The following LXN variants were observed in gnomAD, a reference collection of about 807,000 sequenced individuals.
LXN encodes the protein latexin, also known as MUM.
LXN carries 28 observed loss-of-function variants against 29.8 expected under a neutral mutation model. That is an observed-to-expected ratio of 0.94 (90% CI 0.70 to 1.29). LXN has a LOEUF of 1.29. Ranked by LOEUF, LXN falls within the 50% of genes most tolerant of loss-of-function variation. LXN has a pLI of 0.00. For missense variants in LXN, 227 were observed against 261.7 expected (o/e 0.87, Z 0.92); for synonymous variants, 77 against 89.6 (o/e 0.86, Z 0.80).
rs199588226 is a variant in LXN at position 158,672,607 on chromosome 3, GTCT to G, written c.-132_-130del. 28,946 of 1,084,274 alleles carry G rather than the reference GTCT, an allele frequency of 0.027. 510 individuals are homozygous for G. The highest frequency in any genetic ancestry group is 0.03 in the Non-Finnish European group (22,838 of 754,026). The allele number at this position is 1,084,274 out of a possible 1,614,324, so 67.2% of individuals were successfully genotyped here. ...GAAAAGTCGCAAGCTCCTTCAGTCA[GTCT>G]TCTTCCTCAGCTCCTTCCGACTCCG... is the stretch of plus-strand genomic sequence containing the variant. On this transcript the variant is annotated 5_prime_UTR_variant, in exon 1 of 6. Transcript: ENST00000264265.
In LXN at chr3:158,669,420, C is replaced by T; in HGVS notation, c.370+13G>A. ...TGAATCAAACAAATGGTTTTCATGC[C>T]ATATTTATATACCTGGAATATTTTG... On this transcript the variant is annotated intron_variant, in intron 3 of 5. Transcript: ENST00000264265. 1 of 1,594,350 alleles carries T rather than the reference C, an allele frequency of 6.3e-7. No individual in the cohort carries two copies. The highest frequency in any genetic ancestry group is 8.5e-7 in the Non-Finnish European group (1 of 1,171,032).
intron 2 of LXN, 39 bp downstream of exon 2, chr3:158,670,918 G>A (rs781218249): frequency 1.5e-5 from 22 of 1,467,486 alleles, no homozygotes; most frequent in Non-Finnish European, 1.6e-5. Flanking sequence ...GGGTGATAGA[G>A]TGAGACCCTG....
intron 5 of LXN, 117 bp from the exon 6 acceptor site, chr3:158,666,861 A>T: frequency 7.0e-7 from 1 of 1,422,742 alleles, no homozygotes; most frequent in Non-Finnish European, 9.6e-7. Flanking sequence ...TACTTTTGTT[A>T]AATTGCTGCA....
At chr3:158,670,647 C>T (rs1724196772) in intron 2 of LXN, among the ~76,000 whole-genome samples, 1 of 152,160 alleles carries the variant, frequency 6.6e-6, no homozygotes, top group Non-Finnish European at 1.5e-5. Context: ...ACTAATCAAT[C>T]TTACAGATTT....
At chr3:158,670,890 G>T in intron 2 of LXN, 67 bp downstream of exon 2, 2 of 1,389,004 alleles carry the variant, frequency 1.4e-6, no homozygotes, top group Non-Finnish European at 1.9e-6. Flanking sequence ...GCCATGTTCT[G>T]CCACTGCACT....
chr3:158,669,072 C>T lies in LXN; in HGVS notation c.431G>A (p.Cys144Tyr), dbSNP rs375011073. The part of the protein sequence containing the change: ...TLVLHLAWVA[C>Y]GYIIWQNSTE... Reference sequence around the variant, plus strand: ...AGAATTTTGCCATATTATATAACCACAGGCAACCCAGGCTAAATGTAGAAC... The same window carrying T: ...AGAATTTTGCCATATTATATAACCATAGGCAACCCAGGCTAAATGTAGAAC... The change falls in exon 4 of 6, where the codon TGT becomes TAT. Residue 144 changes from cysteine to tyrosine, a missense_variant. Transcript: ENST00000264265. The T allele has an allele frequency of 5.1e-5, 83 of 1,613,560 alleles. No individual in the cohort carries two copies. The highest frequency in any genetic ancestry group is 6.5e-5 in the Non-Finnish European group (77 of 1,179,838).
At chr3:158,668,114 A>G (rs1048969281) in intron 4 of LXN, among the ~76,000 whole-genome samples, 3 of 152,210 alleles carry the variant, frequency 2.0e-5, no homozygotes, top group Non-Finnish European at 4.4e-5. Flanking sequence ...GAGGAGAGTC[A>G]TTACAATTGT....
chr3:158,667,213 C>A (rs1451838604), intron 4 of LXN, 139 bp from the exon 5 acceptor site: 1 of 958,126 alleles, frequency 1.0e-6, no homozygotes, highest in Non-Finnish European at 1.5e-6. Flanking sequence ...GTCATAATTT[C>A]AATTTAATGT....
Position 158,672,325 on chromosome 3 carries a change from G to T in LXN, c.129+25C>A, listed in dbSNP as rs769633650. 17 of 1,612,168 alleles carry T rather than the reference G, an allele frequency of 1.1e-5. No homozygotes were observed. The African/African-American group carries it at 1.9e-4, about 18-fold the overall frequency. ...GGAGCGCAATCCTGAAGCCTCTGCTGTCCACCACCCCCTGCTAAACTCACC... is the reference window on the plus strand; with the variant it reads ...GGAGCGCAATCCTGAAGCCTCTGCTTTCCACCACCCCCTGCTAAACTCACC... On this transcript the variant is annotated intron_variant, in intron 1 of 5. Coordinates refer to ENST00000264265, the MANE Select transcript of LXN (RefSeq NM_020169.4).
intron 2 of LXN, 147 bp from the exon 3 acceptor site, chr3:158,669,757 G>A (rs1724091118): frequency 2.8e-6 from 2 of 711,914 alleles, no homozygotes; most frequent in African/African-American, 1.8e-5. Flanking sequence ...GTATCTAATT[G>A]GGCCTGGCCT....
intron 4 of LXN, among the ~76,000 whole-genome samples, chr3:158,668,220 C>T (rs1723904886): frequency 6.6e-6 from 1 of 152,092 alleles, no homozygotes. Context: ...GTAGTATTTG[C>T]GTATAACCTA....
Position 158,666,673 on chromosome 3 carries a change from A to G in LXN, c.642T>C (p.Arg214=). The G allele has an allele frequency of 1.2e-6, 2 of 1,613,962 alleles. No homozygotes were observed. Among genetic ancestry groups the G allele is most frequent in the Non-Finnish European group, 1.7e-6 (2 of 1,179,904 alleles). Reference sequence around the variant, plus strand: ...ATTCCAGTTGTACTTCCTTTGGCAGACGGCTATTATGTTTTACTTTAGTGC... The same window carrying G: ...ATTCCAGTTGTACTTCCTTTGGCAGGCGGCTATTATGTTTTACTTTAGTGC... The part of the protein sequence containing the change: ...QYGTKVKHNS[R]LPKEVQLE Residue 214 remains arginine (R), a synonymous_variant, in exon 6 of 6, where the codon CGT becomes CGC. Transcript: ENST00000264265.
At position 158,672,546 on chromosome 3, in the gene LXN, C is replaced by T. The variant is rs1724445827; in HGVS notation, c.-68G>A. ...AACGGGACCAGTAGCAGAGCGCCGCCCGTCCTGCTTGCTGCTGGGTCCGGT... is the reference window on the plus strand; with the variant it reads ...AACGGGACCAGTAGCAGAGCGCCGCTCGTCCTGCTTGCTGCTGGGTCCGGT... On this transcript the variant is annotated 5_prime_UTR_variant, in exon 1 of 6. Transcript: ENST00000264265. The T allele has an allele frequency of 6.9e-6, 11 of 1,591,424 alleles. No individual in the cohort carries two copies. In the South Asian group the frequency reaches 1.0e-4, roughly 15 times the overall value.
rs61348783 is a variant in LXN, at chr3:158,668,908, A to G, written c.507+88T>C. The G allele has an allele frequency of 7.5e-3, 9,000 of 1,201,542 alleles. 528 individuals carry two copies. The African/African-American group carries it at 0.13, about 17-fold the overall frequency. The allele number at this position is 1,201,542 out of a possible 1,614,324, so 74.4% of individuals were successfully genotyped here. A position where few individuals can be genotyped will look rare whatever the true frequency, so the allele number is the denominator to read the frequency against. On this transcript the variant is annotated intron_variant, in intron 4 of 5. Transcript: ENST00000264265. ...GTTTGCTATTAAATACAAAATGACTATAGGAATACTGTTAATCCAATTATG... is the reference window on the plus strand; with the variant it reads ...GTTTGCTATTAAATACAAAATGACTGTAGGAATACTGTTAATCCAATTATG...
intron 2 of LXN, among the ~76,000 whole-genome samples, chr3:158,670,417 A>G (rs1037034405): frequency 6.6e-6 from 1 of 152,008 alleles, no homozygotes; most frequent in Non-Finnish European, 1.5e-5. Flanking sequence ...TCACTCATTT[A>G]TATTAGGCAT....
chr3:158,669,510 T>G lies in LXN; in HGVS notation c.293A>C (p.Asn98Thr), dbSNP rs1423813145. Residue 98 changes from asparagine to threonine, a missense_variant, in exon 3 of 6, where the codon AAT becomes ACT. By Grantham distance (65) the Asn-to-Thr change is moderately conservative (BLOSUM62 0). Transcript: ENST00000264265. ...NFTFEGETGK[N>T]PDEEDNTFYQ... ...AAATGTGTTGTCTTCTTCATCTGGA[T>G]TCTTTCCAGTTTCTCCTTCAAATGT... 1 of 1,613,982 alleles carries G rather than the reference T, an allele frequency of 6.2e-7. No homozygotes were observed. Among genetic ancestry groups the G allele is most frequent in the South Asian group, 1.1e-5 (1 of 91,084 alleles).
Position 158,672,421 on chromosome 3 carries a change from A to G in LXN, c.58T>C (p.Tyr20His). ...GGGGTCCCCTGCTGGTAGTTGATGT[A>G]GTTCTGTGCCACCAAGGCCGCCCTG... ...ASRAALVAQN[Y>H]INYQQGTPHR... The change falls in exon 1 of 6, where the codon TAC (tyrosine) becomes CAC (histidine). Residue 20 changes from tyrosine (Y) to histidine (H), a missense_variant. By Grantham distance (83) the Tyr-to-His change is moderately conservative (BLOSUM62 2). Coordinates refer to ENST00000264265, the MANE Select transcript of LXN (RefSeq NM_020169.4). The G allele has an allele frequency of 1.2e-6, 2 of 1,614,038 alleles. No homozygotes were observed. Among genetic ancestry groups the G allele is most frequent in the South Asian group, 1.1e-5 (1 of 91,080 alleles).
intron 1 of LXN, among the ~76,000 whole-genome samples, chr3:158,672,090 C>T (rs1724374835): frequency 6.6e-6 from 1 of 152,120 alleles, no homozygotes; most frequent in Non-Finnish European, 1.5e-5. Flanking sequence ...AGCGTGTTCC[C>T]GTTTTCTTGT....
At position 158,666,476 on chromosome 3, in the gene LXN, T is replaced by G. The variant is rs144658099; in HGVS notation, c.*170A>C. On this transcript the variant is annotated 3_prime_UTR_variant, in exon 6 of 6. Coordinates refer to ENST00000264265, the MANE Select transcript of LXN (RefSeq NM_020169.4). ...TACCACTATTACTGTTTTAAAGACA[T>G]TTTTATGTAGTGATACTTTGTATTA... 1,469 of 1,217,056 alleles carry G rather than the reference T, an allele frequency of 1.2e-3. 20 individuals carry two copies. The African/African-American group carries it at 0.019, about 16-fold the overall frequency. The allele number at this position is 1,217,056 out of a possible 1,614,324, so 75.4% of individuals were successfully genotyped here.
Sources: gnomAD v4.1 joint callset for allele counts (sites outside exome capture counted in the v4.1 genomes callset) on GRCh38, gnomAD v4.1.1 for gene constraint, MANE v1.5 for transcripts, NCBI Gene and HGNC (gene_info 2026-07-23, HGNC 2026-07-21) for gene names.